Variants in GOLIM4 observed in about 807,000 individuals in gnomAD.
GOLIM4 encodes 130 kDa golgi-localized phosphoprotein.
Under a neutral mutation model 107.4 loss-of-function variants are expected in GOLIM4, and 71 were observed. The ratio of observed to expected loss-of-function variants is 0.66; its 90% confidence interval spans 0.55 to 0.81. The LOEUF (loss-of-function observed/expected upper bound fraction) is 0.81, where lower values mean the gene tolerates loss of function less well. GOLIM4 is among the 30% of genes least tolerant of loss of function. GOLIM4 has a pLI of 0.00. For missense variants in GOLIM4, 830 were observed against 826.1 expected, an observed-to-expected ratio of 1.00 and a Z score of -0.06; for synonymous variants, 327 against 294.8, an observed-to-expected ratio of 1.11 and a Z score of -1.12.
At chr3:168,013,152 G>A (rs569763552) in intron 14 of GOLIM4, among the ~76,000 whole-genome samples, 2 of 151,070 alleles carry the variant, frequency 1.3e-5, no homozygotes, top group Non-Finnish European at 2.9e-5. Flanking sequence ...CCCATCTCAC[G>A]TGCAGAGACA....
chr3:168,082,926 A>C (rs1353532575), intron 1 of GOLIM4, among the ~76,000 whole-genome samples: 1 of 152,194 alleles, frequency 6.6e-6, no homozygotes, highest in Non-Finnish European at 1.5e-5. Flanking sequence ...TTTTGACAAA[A>C]TATAATCTAT....
At chr3:168,011,048 G>A (rs1716984026) in intron 14 of GOLIM4, among the ~76,000 whole-genome samples, 1 of 152,230 alleles carries the variant, frequency 6.6e-6, no homozygotes, top group South Asian at 2.1e-4. Context: ...GAGCCAAGAT[G>A]GCCGAATAGG....
At chr3:168,056,754 T>C (rs1331885709) in intron 1 of GOLIM4, among the ~76,000 whole-genome samples, 3 of 152,242 alleles carry the variant, frequency 2.0e-5, no homozygotes, top group Non-Finnish European at 4.4e-5. Context: ...CTATTTGGAA[T>C]GACTGTATTT....
At chr3:168,056,312 T>C (rs1226570536) in intron 1 of GOLIM4, among the ~76,000 whole-genome samples, 3 of 152,164 alleles carry the variant, frequency 2.0e-5, no homozygotes, top group Non-Finnish European at 2.9e-5. Flanking sequence ...TTTCAGAAGA[T>C]GTATGGAAAT....
At chr3:168,039,152 A>T (rs1011133653) in intron 7 of GOLIM4, among the ~76,000 whole-genome samples, 1 of 151,948 alleles carries the variant, frequency 6.6e-6, no homozygotes, top group Non-Finnish European at 1.5e-5. Context: ...CTAATTAAGG[A>T]TTGCACCTAG....
At chr3:168,051,052 G>A (rs9815009) in intron 1 of GOLIM4, among the ~76,000 whole-genome samples, 39,230 of 151,744 alleles carry the variant, frequency 0.26, 5,331 homozygotes, top group Middle Eastern at 0.31. Flanking sequence ...GCAGCAATCA[G>A]GGTAAACTCA....
intron 5 of GOLIM4, 137 bp downstream of exon 5, chr3:168,043,242 A>G: frequency 1.6e-6 from 1 of 625,412 alleles, no homozygotes. Flanking sequence ...GAAACATTAC[A>G]AAGAAAAAGT....
intron 14 of GOLIM4, among the ~76,000 whole-genome samples, chr3:168,014,205 G>A (rs1022943774): frequency 1.3e-4 from 19 of 150,882 alleles, no homozygotes; most frequent in African/African-American, 4.4e-4. Context: ...TGATAAAGGG[G>A]ATATCACCAC....
At chr3:168,076,521 G>C (rs183221544) in intron 1 of GOLIM4, among the ~76,000 whole-genome samples, 1 of 152,152 alleles carries the variant, frequency 6.6e-6, no homozygotes, top group South Asian at 2.1e-4. Context: ...GTGAAACTCC[G>C]TCTCTACTAA....
At position 168,024,522 on chromosome 3, in the gene GOLIM4, C is replaced by T; in HGVS notation, c.1860+4G>A. Reference sequence around the variant, plus strand: ...ATCAGTCTCTGGGATTCAATCCTTACTACCTCCTCTTCTGCCTCTTCCTGG... The same window carrying T: ...ATCAGTCTCTGGGATTCAATCCTTATTACCTCCTCTTCTGCCTCTTCCTGG... On this transcript the variant is annotated splice_donor_region_variant and intron_variant, in intron 14 of 15. Coordinates refer to ENST00000470487, the MANE Select transcript of GOLIM4 (RefSeq NM_014498.5). 1.3e-6 allele frequency: 2 copies of T among 1,597,034 alleles called. No individual in the cohort carries two copies. Among genetic ancestry groups the T allele is most frequent in the Non-Finnish European group, 1.7e-6 (2 of 1,164,382 alleles).
At chr3:168,052,260 G>GA (rs1383292716) in intron 1 of GOLIM4, among the ~76,000 whole-genome samples, 3 of 152,172 alleles carry the variant, frequency 2.0e-5, no homozygotes, top group South Asian at 2.1e-4. Context: ...AAGTGCCAGA[G>GA]AAAAAAATCA....
chr3:168,043,351 T>G (rs776947291), intron 5 of GOLIM4, 28 bp downstream of exon 5: 1 of 1,531,982 alleles, frequency 6.5e-7, no homozygotes, highest in African/African-American at 1.4e-5. Context: ...TATTTAGAGA[T>G]AAACTGGCTA....
In GOLIM4 at chr3:168,037,064, A is replaced by AT. The variant is rs369449267; in HGVS notation, c.685-71_685-70insA. 2.6e-3 allele frequency: 2,630 copies of AT among 1,004,196 alleles called. 46 individuals carry two copies. The highest frequency in any genetic ancestry group is 3.9e-3 in the Middle Eastern group (18 of 4,628). The allele number at this position is 1,004,196 out of a possible 1,614,324, so 62.2% of individuals were successfully genotyped here. ...CATTCATAGATGGGCATTTGGGTAC[A>AT]CTGTAAAACTAGACAAAAATATTGT... is the stretch of plus-strand genomic sequence containing the variant. On this transcript the variant is annotated intron_variant, in intron 7 of 15. Coordinates refer to ENST00000470487, the MANE Select transcript of GOLIM4 (RefSeq NM_014498.5).
At chr3:168,074,491 G>T (rs1301490540) in intron 1 of GOLIM4, among the ~76,000 whole-genome samples, 6 of 152,126 alleles carry the variant, frequency 3.9e-5, no homozygotes, top group Non-Finnish European at 7.4e-5. Context: ...CATGAGAAAG[G>T]CGTGAGCTTG....
intron 12 of GOLIM4, among the ~76,000 whole-genome samples, chr3:168,025,579 G>A (rs1235509029): frequency 2.6e-5 from 4 of 152,140 alleles, no homozygotes; most frequent in Non-Finnish European, 5.9e-5. Flanking sequence ...GCCCATACCA[G>A]AAAGGACCCA....
At chr3:168,080,702 T>C (rs1207675128) in intron 1 of GOLIM4, among the ~76,000 whole-genome samples, 2 of 152,146 alleles carry the variant, frequency 1.3e-5, no homozygotes, top group African/African-American at 4.8e-5. Context: ...CCATTCCAAA[T>C]AGGCAGCAAG....
At chr3:168,095,043 G>C in intron 1 of GOLIM4, 56 bp downstream of exon 1, 1 of 1,395,950 alleles carries the variant, frequency 7.2e-7, no homozygotes, top group Non-Finnish European at 1.0e-6. Context: ...TTTCCTGCCC[G>C]GGTGGAGGCG....
At position 168,009,234 on chromosome 3, in the gene GOLIM4, A is replaced by T. The variant is rs1245534517; in HGVS notation, c.*1035T>A. On this transcript the variant is annotated 3_prime_UTR_variant, in exon 16 of 16. Coordinates refer to ENST00000470487, the MANE Select transcript of GOLIM4 (RefSeq NM_014498.5). ...AGACCCAATCCCAGCAAACAGAAAA[A>T]CCATAAGTCTATCATATCACCATAT... The T allele has an allele frequency of 1.3e-5, 2 of 151,928 alleles. No individual in the cohort carries two copies. Among genetic ancestry groups the T allele is most frequent in the Non-Finnish European group, 2.9e-5 (2 of 67,936 alleles). 9.4% of individuals were successfully genotyped at this position (151,928 alleles called of 1,614,324 possible).
intron 1 of GOLIM4, among the ~76,000 whole-genome samples, chr3:168,081,704 CAG>C: frequency 6.6e-6 from 1 of 152,132 alleles, no homozygotes; most frequent in African/African-American, 2.4e-5. Flanking sequence ...GGTAATAACA[CAG>C]AGTTATTACT....
Sources: allele counts gnomAD v4.1 joint callset (sites outside exome capture counted in the v4.1 genomes callset), GRCh38; gene constraint gnomAD v4.1.1; transcripts MANE v1.5; gene names NCBI Gene and HGNC (gene_info 2026-07-23, HGNC 2026-07-21).